Variants in UBE2E2 observed in about 807,000 individuals in gnomAD.
UBE2E2 encodes the protein ubiquitin conjugating enzyme E2 E2, also known as ubiquitin-conjugating enzyme E2 E2.
A neutral mutation model predicts 24.7 loss-of-function variants in UBE2E2; 6 were observed. That is an observed-to-expected ratio of 0.24 (90% CI 0.13 to 0.48). The LOEUF (loss-of-function observed/expected upper bound fraction) is 0.48, where lower values mean the gene tolerates loss of function less well. Ranked by LOEUF, UBE2E2 falls within the 20% of genes least tolerant of loss-of-function variation. The pLI, the probability that UBE2E2 is intolerant of heterozygous loss-of-function variation, is 0.99. For missense variants in UBE2E2, 169 were observed against 245.0 expected (o/e 0.69, Z 2.07); for synonymous variants, 104 against 83.6 (o/e 1.24, Z -1.33).
rs11352255 is a variant in UBE2E2, at chr3:23,488,200, CTT to C, written c.228-11393_228-11392del. On this transcript the variant is annotated intron_variant, in intron 3 of 5. Transcript: ENST00000396703. ...ATAACTCTTTATACAGATTACATTT[CTT>C]TTTTTTTTTTTTTTAATTAGACTTT... is the stretch of plus-strand genomic sequence containing the variant. Among the ~76,000 whole-genome samples the C allele has an allele frequency of 1.0e-3, 147 of 140,174 alleles. 1 individual carries two copies. The highest frequency in any genetic ancestry group is 3.6e-3 in the Middle Eastern group (1 of 276). The allele number at this position is 140,174 out of a possible 152,430, so 92.0% of individuals were successfully genotyped here.
At chr3:23,247,603 C>CT (rs1470842894) in intron 3 of UBE2E2, among the ~76,000 whole-genome samples, 1 of 152,166 alleles carries the variant, frequency 6.6e-6, no homozygotes, top group Non-Finnish European at 1.5e-5. Context: ...ATCTGTCTGC[C>CT]TTGGCCTCCC....
At chr3:23,434,321 G>C (rs578151669) in intron 3 of UBE2E2, among the ~76,000 whole-genome samples, 1 of 152,096 alleles carries the variant, frequency 6.6e-6, no homozygotes, top group Non-Finnish European at 1.5e-5. Flanking sequence ...AACCTGGATT[G>C]TGATTTATCT....
intron 3 of UBE2E2, among the ~76,000 whole-genome samples, chr3:23,373,538 T>G (rs1010269079): frequency 6.6e-6 from 1 of 152,134 alleles, no homozygotes; most frequent in East Asian, 1.9e-4. Flanking sequence ...TCCAGTTAAG[T>G]TGAGGGAGAC....
At chr3:23,261,432 T>C (rs556004219) in intron 3 of UBE2E2, among the ~76,000 whole-genome samples, 28 of 152,294 alleles carry the variant, frequency 1.8e-4, no homozygotes, top group Admixed American at 4.6e-4. Context: ...AACACGTGTA[T>C]CACCTTACGT....
intron 3 of UBE2E2, among the ~76,000 whole-genome samples, chr3:23,313,237 T>C (rs780578657): frequency 9.2e-5 from 14 of 152,314 alleles, no homozygotes; most frequent in South Asian, 6.2e-4. Flanking sequence ...ACAGTTTTTG[T>C]CTTGAAATCT....
chr3:23,228,056 T>A (rs931118170), intron 3 of UBE2E2, among the ~76,000 whole-genome samples: 1 of 152,232 alleles, frequency 6.6e-6, no homozygotes, highest in African/African-American at 2.4e-5. Context: ...TACCTGTACT[T>A]CAAAACTGTA....
At chr3:23,301,998 A>G (rs1337584859) in intron 3 of UBE2E2, among the ~76,000 whole-genome samples, 1 of 152,034 alleles carries the variant, frequency 6.6e-6, no homozygotes, top group African/African-American at 2.4e-5. Context: ...GATAATTCAG[A>G]CTTGTGGAAA....
chr3:23,249,098 T>C (rs938765860), intron 3 of UBE2E2, among the ~76,000 whole-genome samples: 1 of 151,692 alleles, frequency 6.6e-6, no homozygotes, highest in African/African-American at 2.4e-5. Context: ...TGGCGAAACC[T>C]TGTCTCTCCA....
chr3:23,350,373 G>A (rs913124352), intron 3 of UBE2E2, among the ~76,000 whole-genome samples: 2 of 152,208 alleles, frequency 1.3e-5, no homozygotes, highest in Admixed American at 6.5e-5. Context: ...GCAATGGAAC[G>A]AAGCTGGACG....
At chr3:23,412,835 G>C (rs1697524259) in intron 3 of UBE2E2, among the ~76,000 whole-genome samples, 1 of 152,110 alleles carries the variant, frequency 6.6e-6, no homozygotes, top group Non-Finnish European at 1.5e-5. Context: ...TTTGAGTGGG[G>C]AGCCAGAACC....
chr3:23,470,079 C>T (rs1462110233), intron 3 of UBE2E2, among the ~76,000 whole-genome samples: 1 of 152,174 alleles, frequency 6.6e-6, no homozygotes, highest in Non-Finnish European at 1.5e-5. Context: ...CAGTAATGAA[C>T]TATTTCCTTA....
At chr3:23,493,190 A>G (rs1234910897) in intron 3 of UBE2E2, among the ~76,000 whole-genome samples, 1 of 152,202 alleles carries the variant, frequency 6.6e-6, no homozygotes, top group African/African-American at 2.4e-5. Flanking sequence ...AGACACAGCC[A>G]AAAACTCTTG....
chr3:23,293,355 C>T (rs1698822597), intron 3 of UBE2E2, among the ~76,000 whole-genome samples: 2 of 152,210 alleles, frequency 1.3e-5, no homozygotes, highest in African/African-American at 4.8e-5. Context: ...TCATTTAGGA[C>T]TTGCCAAAGC....
At chr3:23,410,344 A>G (rs906738840) in intron 3 of UBE2E2, among the ~76,000 whole-genome samples, 16 of 151,878 alleles carry the variant, frequency 1.1e-4, no homozygotes, top group African/African-American at 3.4e-4. Context: ...TCTTTTCTTG[A>G]TTTTCCTCTT....
At chr3:23,430,141 G>A (rs1393617445) in intron 3 of UBE2E2, among the ~76,000 whole-genome samples, 1 of 152,024 alleles carries the variant, frequency 6.6e-6, no homozygotes, top group Non-Finnish European at 1.5e-5. Context: ...TTGGACTGAA[G>A]CAGTCTGTCT....
intron 3 of UBE2E2, among the ~76,000 whole-genome samples, chr3:23,268,167 A>AC (rs1434349890): frequency 6.7e-6 from 1 of 149,926 alleles, no homozygotes; most frequent in Non-Finnish European, 1.5e-5. Flanking sequence ...TCCCTCTCTC[A>AC]CCACTCCTAT....
chr3:23,410,756 C>G (rs1697478233), intron 3 of UBE2E2, among the ~76,000 whole-genome samples: 1 of 152,152 alleles, frequency 6.6e-6, no homozygotes, highest in African/African-American at 2.4e-5. Flanking sequence ...ATGTCCCCTA[C>G]TCTCAAGACA....
At chr3:23,378,456 G>C (rs1696580103) in intron 3 of UBE2E2, among the ~76,000 whole-genome samples, 1 of 152,124 alleles carries the variant, frequency 6.6e-6, no homozygotes, top group African/African-American at 2.4e-5. Flanking sequence ...CTTCCAGACT[G>C]TAATAGCGTG....
At chr3:23,313,586 T>C (rs541620367) in intron 3 of UBE2E2, among the ~76,000 whole-genome samples, 69 of 152,078 alleles carry the variant, frequency 4.5e-4, no homozygotes, top group African/African-American at 1.5e-3. Flanking sequence ...GGTTTCACCA[T>C]GTTGGCCAGG....
Sources: gnomAD v4.1 joint callset for allele counts (sites outside exome capture counted in the v4.1 genomes callset) on GRCh38, gnomAD v4.1.1 for gene constraint, MANE v1.5 for transcripts, NCBI Gene and HGNC (gene_info 2026-07-23, HGNC 2026-07-21) for gene names.